Variants in PINX1 observed in about 807,000 individuals in gnomAD.
The protein encoded by PINX1 is PIN2 (TERF1) interacting telomerase inhibitor 1, also known as PIN2/TERF1-interacting telomerase inhibitor 1.
Under a neutral mutation model 25.4 loss-of-function variants are expected in PINX1, and 34 were observed. The ratio of observed to expected loss-of-function variants is 1.34; its 90% CI spans 1.02 to 1.78. The LOEUF is 1.78. PINX1 is among the 40% of genes most tolerant of loss of function. PINX1 has a pLI of 0.00. For missense variants in PINX1, 592 were observed against 404.9 expected (o/e 1.46, Z -3.97); for synonymous variants, 197 against 147.7 (o/e 1.33, Z -2.42).
At chr8:10,834,498 T>A in intron 2 of PINX1, 168 bp downstream of exon 2, 1 of 985,352 alleles carries the variant, frequency 1.0e-6, no homozygotes, top group Non-Finnish European at 1.4e-6. Context: ...GACACTTATG[T>A]CCAATCCTAA....
chr8:10,837,061 C>A (rs11250081), intron 1 of PINX1, among the ~76,000 whole-genome samples: 60,255 of 152,150 alleles, frequency 0.4, 13,724 homozygotes, highest in African/African-American at 0.63. Context: ...TTTGAAAGGC[C>A]TGTTCATAAC....
intron 6 of PINX1, among the ~76,000 whole-genome samples, chr8:10,798,467 A>C (rs2129078986): frequency 6.6e-6 from 1 of 152,324 alleles, no homozygotes; most frequent in East Asian, 1.9e-4. Flanking sequence ...TTACACTTCC[A>C]CTTGATATAT....
chr8:10,809,797 C>T (rs1332857174), intron 6 of PINX1, among the ~76,000 whole-genome samples: 3 of 152,254 alleles, frequency 2.0e-5, no homozygotes, highest in South Asian at 2.1e-4. Context: ...TCACCATCCT[C>T]GTTCATCATT....
At chr8:10,799,298 C>T (rs953813156) in intron 6 of PINX1, among the ~76,000 whole-genome samples, 1 of 152,136 alleles carries the variant, frequency 6.6e-6, no homozygotes, top group Non-Finnish European at 1.5e-5. Flanking sequence ...CTCAACAGAA[C>T]TGTTGAGACT....
intron 6 of PINX1, among the ~76,000 whole-genome samples, chr8:10,782,613 G>A (rs1000011490): frequency 6.6e-6 from 1 of 152,044 alleles, no homozygotes; most frequent in Non-Finnish European, 1.5e-5. Flanking sequence ...GCTCACGCCT[G>A]TAATCCCAGC....
At chr8:10,814,247 C>T (rs1270538839) in intron 6 of PINX1, among the ~76,000 whole-genome samples, 4 of 152,162 alleles carry the variant, frequency 2.6e-5, no homozygotes, top group Non-Finnish European at 5.9e-5. Flanking sequence ...TGCAACCAGC[C>T]GTCCCCACAC....
intron 6 of PINX1, among the ~76,000 whole-genome samples, chr8:10,779,754 T>A (rs566624864): frequency 6.6e-6 from 1 of 152,334 alleles, no homozygotes; most frequent in African/African-American, 2.4e-5. Context: ...GCAATATGAC[T>A]ATAAACTCAG....
chr8:10,777,690 T>C (rs929697654), intron 6 of PINX1, among the ~76,000 whole-genome samples: 4 of 152,104 alleles, frequency 2.6e-5, no homozygotes, highest in Non-Finnish European at 5.9e-5. Flanking sequence ...AACACATGGA[T>C]TTTGCATCTC....
In PINX1 at chr8:10,813,185, A is replaced by G. The variant is rs117282488; in HGVS notation, c.471+7008T>C. Among the ~76,000 whole-genome samples, 458 of 152,294 alleles carry G rather than the reference A, an allele frequency of 3.0e-3. 1 individual carries two copies. Among genetic ancestry groups the G allele is most frequent in the Non-Finnish European group, 5.2e-3 (357 of 68,026 alleles). On this transcript the variant is annotated intron_variant, in intron 6 of 6. Transcript: ENST00000314787. ...GGGCTTATAGTTCTCCCTAACTACA[A>G]GGTTCTTAATTAGAAGATTACTTTG... is the stretch of plus-strand genomic sequence containing the variant.
chr8:10,804,437 G>A (rs901097552), intron 6 of PINX1, among the ~76,000 whole-genome samples: 11 of 152,260 alleles, frequency 7.2e-5, no homozygotes, highest in Admixed American at 6.5e-5. Context: ...AGCAAGCATC[G>A]GCATCAGGGA....
At chr8:10,781,824 C>G (rs1461388800) in intron 6 of PINX1, among the ~76,000 whole-genome samples, 2 of 152,138 alleles carry the variant, frequency 1.3e-5, no homozygotes, top group African/African-American at 4.8e-5. Flanking sequence ...GCCCAGCAAC[C>G]CCTCTTCTGG....
chr8:10,824,505 G>A lies in PINX1; in HGVS notation c.394+1647C>T, dbSNP rs1481556503. Among the ~76,000 whole-genome samples the A allele has an allele frequency of 2.0e-5, 3 of 152,294 alleles. No individual in the cohort carries two copies. In the East Asian group the frequency reaches 5.8e-4, roughly 29 times the overall value. Reference sequence around the variant, plus strand: ...CTCTTCTCCCCAGGCAAGGCTAATAGATACAGAACCCTCGCTGGAAGACAG... The same window carrying A: ...CTCTTCTCCCCAGGCAAGGCTAATAAATACAGAACCCTCGCTGGAAGACAG... On this transcript the variant is annotated intron_variant, in intron 5 of 6. Transcript: ENST00000314787.
At chr8:10,788,353 G>C (rs1198989043) in intron 6 of PINX1, among the ~76,000 whole-genome samples, 1 of 152,186 alleles carries the variant, frequency 6.6e-6, no homozygotes, top group African/African-American at 2.4e-5. Flanking sequence ...CATGAGGCCA[G>C]GAGTTGGAGA....
intron 4 of PINX1, among the ~76,000 whole-genome samples, chr8:10,826,669 CA>C (rs1308685452): frequency 2.0e-5 from 3 of 152,220 alleles, no homozygotes; most frequent in African/African-American, 7.2e-5. Flanking sequence ...TACCACTCCA[CA>C]GTAAAGAGCG....
chr8:10,830,815 A>C (rs1798205243), intron 4 of PINX1, among the ~76,000 whole-genome samples: 1 of 152,226 alleles, frequency 6.6e-6, no homozygotes, highest in Non-Finnish European at 1.5e-5. Flanking sequence ...TATAAAAGAT[A>C]ATTACTGGTT....
chr8:10,767,776 G>C (rs982439862), intron 6 of PINX1, among the ~76,000 whole-genome samples: 1 of 138,526 alleles, frequency 7.2e-6, no homozygotes, highest in Non-Finnish European at 1.6e-5. Flanking sequence ...ACAGAGACAG[G>C]CTCGGTGACC....
chr8:10,822,347 G>A (rs1220062224), intron 5 of PINX1, among the ~76,000 whole-genome samples: 2 of 152,130 alleles, frequency 1.3e-5, no homozygotes, highest in Non-Finnish European at 2.9e-5. Context: ...CTGAATTATG[G>A]TCAAATCATA....
chr8:10,778,844 G>C (rs114220516), intron 6 of PINX1, among the ~76,000 whole-genome samples: 1 of 152,146 alleles, frequency 6.6e-6, no homozygotes, highest in Non-Finnish European at 1.5e-5. Context: ...TCTTTGTTTT[G>C]TCCCAGATTG....
At chr8:10,821,817 A>G (rs1797886617) in intron 5 of PINX1, 1 of 152,230 alleles carries the variant, frequency 6.6e-6, no homozygotes, top group Non-Finnish European at 1.5e-5. Flanking sequence ...TAGAAAATGC[A>G]AATTAAGGTC....
Sources: gnomAD v4.1 joint callset for allele counts (sites outside exome capture counted in the v4.1 genomes callset) on GRCh38, gnomAD v4.1.1 for gene constraint, MANE v1.5 for transcripts, NCBI Gene and HGNC (gene_info 2026-07-23, HGNC 2026-07-21) for gene names.